RNASEH1: variants seen among roughly 807,000 people sequenced by gnomAD.
RNASEH1 encodes the protein ribonuclease H1, also known as ribonuclease H type II.
In RNASEH1, 27 loss-of-function variants were observed where a neutral mutation model predicts 34.6. The ratio of observed to expected loss-of-function variants is 0.78; its 90% CI spans 0.58 to 1.08. The LOEUF is 1.08. Ranked by LOEUF, RNASEH1 falls within the 50% of genes least tolerant of loss-of-function variation. The pLI is 0.00. For synonymous variants in RNASEH1, 162 were observed against 138.4 expected (o/e 1.17, Z -1.20); for missense variants, 349 against 373.6 (o/e 0.93, Z 0.54).
At chr2:3,536,271 T>C in the RNASEH1 span, among the ~76,000 whole-genome samples, 1 of 152,190 alleles carries the variant, frequency 6.6e-6, no homozygotes, top group Non-Finnish European at 1.5e-5. Flanking sequence ...GGAAGAACGG[T>C]CGGCCTAGAG....
chr2:3,540,497 C>T (rs1250882090), downstream of RNASEH1, among the ~76,000 whole-genome samples: 1 of 152,192 alleles, frequency 6.6e-6, no homozygotes, highest in African/African-American at 2.4e-5. Context: ...CAACCTCTGC[C>T]GCCTGGGTTC....
At chr2:3,539,321 T>C (rs1668164634), downstream of RNASEH1, among the ~76,000 whole-genome samples, 4 of 152,204 alleles carry the variant, frequency 2.6e-5, no homozygotes, top group Admixed American at 2.6e-4. Flanking sequence ...TTGCCCTGTT[T>C]CCCACTTCAT....
At chr2:3,535,028 T>C in the RNASEH1 span, among the ~76,000 whole-genome samples, 1 of 152,120 alleles carries the variant, frequency 6.6e-6, no homozygotes, top group Non-Finnish European at 1.5e-5. Context: ...GAACAGAGCT[T>C]CAGTCTGGGA....
In RNASEH1 at chr2:3,541,949, T is replaced by A. The variant is rs990393587; in HGVS notation, c.*3836A>T. On this transcript the variant is annotated 3_prime_UTR_variant, in exon 8 of 8. Transcript: ENST00000315212. The stretch of plus-strand genomic sequence containing the variant: ...AGGAGGATCGCTTGAGGCCAGGAGT[T>A]TAAGACCAGCCTGGGCAACACAGTG... 3.9e-5 allele frequency among the ~76,000 whole-genome samples: 6 copies of A among 152,134 alleles called. No individual in the cohort carries two copies. The highest frequency in any genetic ancestry group is 1.4e-4 in the African/African-American group (6 of 41,428).
rs1668447995 is a variant in RNASEH1 at position 3,543,273 on chromosome 2, C to T, written c.*2512G>A. Among the ~76,000 whole-genome samples the T allele has an allele frequency of 1.3e-5, 2 of 152,298 alleles. No individual in the cohort carries two copies. Among genetic ancestry groups the T allele is most frequent in the Admixed American group, 6.5e-5 (1 of 15,292 alleles). ...AGCCTGCACACAACGCACAGGAGAA[C>T]GTTCTGAACCACTTTTGGTCCTGAG... On this transcript the variant is annotated 3_prime_UTR_variant, in exon 8 of 8. Coordinates refer to ENST00000315212, the MANE Select transcript of RNASEH1 (RefSeq NM_002936.6).
chr2:3,534,511 G>C, the RNASEH1 span, among the ~76,000 whole-genome samples: 5 of 152,248 alleles, frequency 3.3e-5, no homozygotes, highest in African/African-American at 1.2e-4. Flanking sequence ...GGGCTCTGCG[G>C]TTCCTGGTGT....
rs1668418325 is a variant in RNASEH1, at chr2:3,542,886, T to C, written c.*2899A>G. On this transcript the variant is annotated 3_prime_UTR_variant, in exon 8 of 8. Transcript: ENST00000315212. ...TTTAAATATGTGTGTGCAATGTTTGTATTTTTTTAAAGCTCCGTCCAAAAA... is the reference window on the plus strand; with the variant it reads ...TTTAAATATGTGTGTGCAATGTTTGCATTTTTTTAAAGCTCCGTCCAAAAA... 6.6e-6 allele frequency among the ~76,000 whole-genome samples: 1 copy of C among 152,178 alleles called. No individual in the cohort carries two copies. Among genetic ancestry groups the C allele is most frequent in the Non-Finnish European group, 1.5e-5 (1 of 68,026 alleles).
the RNASEH1 span, among the ~76,000 whole-genome samples, chr2:3,535,094 A>T: frequency 6.6e-5 from 10 of 152,118 alleles, no homozygotes; most frequent in Non-Finnish European, 2.9e-5. Flanking sequence ...GTGTGAGTGT[A>T]CCTAATGCCA....
At chr2:3,550,553 T>A in intron 3 of RNASEH1, 81 bp from the exon 4 acceptor site, 1 of 1,048,328 alleles carries the variant, frequency 9.5e-7, no homozygotes, top group Non-Finnish European at 1.5e-6. Flanking sequence ...TAGGTCGACT[T>A]AGCATTTTAA....
In RNASEH1 at chr2:3,542,962, G is replaced by A. The variant is rs1228584280; in HGVS notation, c.*2823C>T. Among the ~76,000 whole-genome samples the A allele has an allele frequency of 6.6e-6, 1 of 152,158 alleles. No homozygotes were observed. Among genetic ancestry groups the A allele is most frequent in the Non-Finnish European group, 1.5e-5 (1 of 68,034 alleles). ...GCAATGAGCATCCTAAACTGGATCT[G>A]AAATACCATCTCTACCAGAGACTCT... is the stretch of plus-strand genomic sequence containing the variant. On this transcript the variant is annotated 3_prime_UTR_variant, in exon 8 of 8. Coordinates refer to ENST00000315212, the MANE Select transcript of RNASEH1 (RefSeq NM_002936.6).
At chr2:3,536,116 G>C in the RNASEH1 span, among the ~76,000 whole-genome samples, 4 of 152,230 alleles carry the variant, frequency 2.6e-5, no homozygotes, top group African/African-American at 9.6e-5. Flanking sequence ...CCAGAGACTA[G>C]AGCAGGATCT....
At chr2:3,545,968 C>T in intron 7 of RNASEH1, 97 bp from the exon 8 acceptor site, 1 of 847,002 alleles carries the variant, frequency 1.2e-6, no homozygotes. Flanking sequence ...GAACAGACTG[C>T]ACAGCATAAG....
At chr2:3,540,721 T>C (rs1403829115), downstream of RNASEH1, among the ~76,000 whole-genome samples, 1 of 152,144 alleles carries the variant, frequency 6.6e-6, no homozygotes, top group African/African-American at 2.4e-5. Flanking sequence ...TCATCTGTGT[T>C]GTGAAAATCC....
the RNASEH1 span, among the ~76,000 whole-genome samples, chr2:3,532,643 C>G: frequency 6.6e-6 from 1 of 152,286 alleles, no homozygotes. Context: ...ATTTGTGTAT[C>G]TAAGCATAGG....
rs1668509816 is a variant in RNASEH1 at position 3,543,860 on chromosome 2, A to T, written c.*1925T>A. 6.6e-6 allele frequency among the ~76,000 whole-genome samples: 1 copy of T among 152,104 alleles called. No individual in the cohort carries two copies. Among genetic ancestry groups the T allele is most frequent in the Non-Finnish European group, 1.5e-5 (1 of 68,008 alleles). On this transcript the variant is annotated 3_prime_UTR_variant, in exon 8 of 8. Coordinates refer to ENST00000315212, the MANE Select transcript of RNASEH1 (RefSeq NM_002936.6). ...AACTCCTGGGTTCATGTGATCCTCC[A>T]GCCTCAGCCTCCCAAAGTGCTGGGA...
rs546665803 is a variant in RNASEH1, at chr2:3,552,289, T to C, written c.264A>G (p.Gly88=). 8 of 1,613,626 alleles carry C rather than the reference T, an allele frequency of 5.0e-6. No individual in the cohort carries two copies. The South Asian group carries it at 7.7e-5, about 16-fold the overall frequency. Residue 88 remains glycine (G), a synonymous_variant, in exon 3 of 8, where the codon GGA becomes GGG. Coordinates refer to ENST00000315212, the MANE Select transcript of RNASEH1 (RefSeq NM_002936.6). ...TGCTGGCTTTCGCCTCCGATTCTTG[T>C]CCATGTTGATTTTCATGCCCTGAAA... ...EVSEGHENQH[G]QESEAKASKR...
At chr2:3,535,976 G>A in the RNASEH1 span, among the ~76,000 whole-genome samples, 1 of 152,194 alleles carries the variant, frequency 6.6e-6, no homozygotes, top group South Asian at 2.1e-4. Context: ...AGCACTGTCG[G>A]TCCCGGCCAC....
At position 3,552,026 on chromosome 2, in the gene RNASEH1, A is replaced by T. The variant is rs951408272; in HGVS notation, c.409+118T>A. The T allele has an allele frequency of 5.3e-6, 4 of 749,640 alleles. No individual in the cohort carries two copies. In the Admixed American group the frequency reaches 1.1e-4, roughly 21 times the overall value. The allele number at this position is 749,640 out of a possible 1,614,324, so 46.4% of individuals were successfully genotyped here. On this transcript the variant is annotated intron_variant, in intron 3 of 7. Coordinates refer to ENST00000315212, the MANE Select transcript of RNASEH1 (RefSeq NM_002936.6). ...AGTGATTTCTAAATAATCTTTACAC[A>T]TAAGAATGAAGATGATAAACACCAG...
At chr2:3,557,646 T>C (rs1397213270) in intron 1 of RNASEH1, 9 of 381,948 alleles carry the variant, frequency 2.4e-5, no homozygotes, top group Non-Finnish European at 4.3e-5. Context: ...CCAAGAACTA[T>C]ACCTGAAAGT....
Sources: allele counts gnomAD v4.1 joint callset (sites outside exome capture counted in the v4.1 genomes callset), GRCh38; gene constraint gnomAD v4.1.1; transcripts MANE v1.5; gene names NCBI Gene and HGNC (gene_info 2026-07-23, HGNC 2026-07-21).